The following TRDN variants were observed in gnomAD, a reference collection of about 807,000 sequenced individuals.
TRDN encodes the protein triadin.
In TRDN, 161 loss-of-function variants were observed where a neutral mutation model predicts 149.7. The observed-to-expected ratio is 1.08, with a 90% CI of 0.95 to 1.23. The LOEUF (loss-of-function observed/expected upper bound fraction) is 1.23, where lower values mean the gene tolerates loss of function less well. TRDN is among the 50% of genes most tolerant of loss of function. The pLI, the probability that TRDN is intolerant of heterozygous loss-of-function variation, is 0.00. For synonymous variants in TRDN, 294 were observed against 250.5 expected, an observed-to-expected ratio of 1.17 and a Z score of -1.64; for missense variants, 896 against 823.5, an observed-to-expected ratio of 1.09 and a Z score of -1.08.
intron 1 of TRDN, among the ~76,000 whole-genome samples, chr6:123,618,540 C>T (rs1785221270): frequency 6.6e-6 from 1 of 152,106 alleles, no homozygotes; most frequent in Non-Finnish European, 1.5e-5. Flanking sequence ...GGTAAGGTAA[C>T]ATATTTACAG....
intron 1 of TRDN, among the ~76,000 whole-genome samples, chr6:123,610,240 T>C (rs1229937500): frequency 6.6e-6 from 1 of 152,142 alleles, no homozygotes; most frequent in African/African-American, 2.4e-5. Flanking sequence ...TAAAAATGAA[T>C]ATACCAAAGA....
At chr6:123,508,402 C>A (rs918940247) in intron 7 of TRDN, among the ~76,000 whole-genome samples, 1 of 152,102 alleles carries the variant, frequency 6.6e-6, no homozygotes, top group Non-Finnish European at 1.5e-5. Context: ...TATAAATATA[C>A]ATGAACCATG....
Position 123,316,634 on chromosome 6 carries a change from T to C in TRDN, c.1472-139A>G, listed in dbSNP as rs1240122819. ...GTTTTCAATTTCAATTATAGTTATA[T>C]ACTGTTATCAAAATATTAATGGAAT... On this transcript the variant is annotated intron_variant, in intron 23 of 40. Coordinates refer to ENST00000334268, the MANE Select transcript of TRDN (RefSeq NM_006073.4). 3 of 576,990 alleles carry C rather than the reference T, an allele frequency of 5.2e-6. No individual in the cohort carries two copies. The East Asian group carries it at 9.6e-5, about 18-fold the overall frequency. The allele number at this position is 576,990 out of a possible 1,614,324, so 35.7% of individuals were successfully genotyped here.
chr6:123,356,072 G>A (rs970480193), intron 20 of TRDN, among the ~76,000 whole-genome samples: 1 of 151,670 alleles, frequency 6.6e-6, no homozygotes, highest in African/African-American at 2.4e-5. Flanking sequence ...TGTGAATAAC[G>A]TGTTTTATTT....
At chr6:123,305,757 T>C (rs2114679099) in intron 24 of TRDN, among the ~76,000 whole-genome samples, 1 of 152,304 alleles carries the variant, frequency 6.6e-6, no homozygotes, top group East Asian at 1.9e-4. Context: ...TTTCAGTCAG[T>C]AGCTTCTGTT....
intron 2 of TRDN, among the ~76,000 whole-genome samples, chr6:123,570,682 G>T (rs1782525339): frequency 6.6e-6 from 1 of 152,044 alleles, no homozygotes; most frequent in Non-Finnish European, 1.5e-5. Flanking sequence ...TTCAGGCTTT[G>T]TTCAGCTCTT....
intron 2 of TRDN, among the ~76,000 whole-genome samples, chr6:123,564,336 G>C (rs575144700): frequency 2.6e-5 from 4 of 152,282 alleles, no homozygotes; most frequent in Admixed American, 1.3e-4. Context: ...AGAGTTGATA[G>C]AGTCCTAAAT....
At chr6:123,376,941 G>A (rs914424896) in intron 18 of TRDN, among the ~76,000 whole-genome samples, 6 of 152,106 alleles carry the variant, frequency 3.9e-5, no homozygotes, top group Admixed American at 6.6e-5. Flanking sequence ...GTAGGAGTTA[G>A]CCAGGCAAAA....
intron 21 of TRDN, chr6:123,352,304 A>T: frequency 1.0e-6 from 1 of 985,072 alleles, no homozygotes; most frequent in Non-Finnish European, 1.2e-6. Flanking sequence ...GTAATTAAAC[A>T]GTTTGGGGAG....
chr6:123,487,647 C>G (rs1036985576), intron 9 of TRDN, among the ~76,000 whole-genome samples: 1 of 152,084 alleles, frequency 6.6e-6, no homozygotes, highest in Non-Finnish European at 1.5e-5. Flanking sequence ...GTTCTATAAT[C>G]TGTCATCAAA....
intron 24 of TRDN, among the ~76,000 whole-genome samples, chr6:123,306,186 A>G (rs890926514): frequency 3.9e-5 from 6 of 152,148 alleles, no homozygotes; most frequent in African/African-American, 1.4e-4. Context: ...GGGACAGATA[A>G]AATGGAATTT....
chr6:123,294,466 C>T (rs1193440847), intron 24 of TRDN, among the ~76,000 whole-genome samples: 1 of 152,134 alleles, frequency 6.6e-6, no homozygotes, highest in African/African-American at 2.4e-5. Flanking sequence ...TTTTCCACAG[C>T]CTGGGGTCGG....
chr6:123,299,610 T>C (rs1778331329), intron 24 of TRDN, among the ~76,000 whole-genome samples: 1 of 152,066 alleles, frequency 6.6e-6, no homozygotes, highest in South Asian at 2.1e-4. Context: ...TCCTCTGGAA[T>C]ATAATTTAAT....
chr6:123,294,691 T>G (rs1778133258), intron 24 of TRDN, among the ~76,000 whole-genome samples: 1 of 152,200 alleles, frequency 6.6e-6, no homozygotes, highest in Non-Finnish European at 1.5e-5. Flanking sequence ...CACATCCTTC[T>G]GTGCAGGCCT....
At chr6:123,383,224 TCA>T (rs1347231260) in intron 14 of TRDN, among the ~76,000 whole-genome samples, 1 of 152,022 alleles carries the variant, frequency 6.6e-6, no homozygotes, top group Non-Finnish European at 1.5e-5. Flanking sequence ...CATTGTCTCT[TCA>T]CAAAAGGCAG....
intron 9 of TRDN, 98 bp from the exon 10 acceptor site, chr6:123,465,081 A>G: frequency 7.8e-7 from 1 of 1,277,862 alleles, no homozygotes; most frequent in Non-Finnish European, 1.1e-6. Flanking sequence ...TGCATAATTC[A>G]TAATACCAAG....
At chr6:123,492,753 A>C (rs76977490) in intron 9 of TRDN, among the ~76,000 whole-genome samples, 6,622 of 152,152 alleles carry the variant, frequency 0.044, 436 homozygotes, top group African/African-American at 0.14. Context: ...AAAAAGAAAA[A>C]GAAAAAAACC....
chr6:123,552,654 T>A (rs747554458), intron 2 of TRDN, among the ~76,000 whole-genome samples: 1 of 152,158 alleles, frequency 6.6e-6, no homozygotes, highest in Admixed American at 6.5e-5. Flanking sequence ...CTTCATCATA[T>A]ATTTTTGCAT....
chr6:123,351,237 T>C (rs1780453059), intron 21 of TRDN: 2 of 978,868 alleles, frequency 2.0e-6, no homozygotes, highest in Admixed American at 6.2e-5. Context: ...ATCTGTTACA[T>C]GCTTATCTAG....
Sources: gnomAD v4.1 joint callset for allele counts (sites outside exome capture counted in the v4.1 genomes callset) on GRCh38, gnomAD v4.1.1 for gene constraint, MANE v1.5 for transcripts, NCBI Gene and HGNC (gene_info 2026-07-23, HGNC 2026-07-21) for gene names.